DIPK1A: variants seen among roughly 807,000 people sequenced by gnomAD.
DIPK1A encodes the protein divergent protein kinase domain 1A, also known as family with sequence similarity 69 member A.
A neutral mutation model predicts 40.8 loss-of-function variants in DIPK1A; 27 were observed. The observed-to-expected ratio is 0.66, with a 90% CI of 0.49 to 0.91. DIPK1A has a LOEUF of 0.91. Among genes scored for constraint, DIPK1A ranks in the 40% least tolerant of loss-of-function variants. DIPK1A has a pLI of 0.00. For missense variants in DIPK1A, 412 were observed against 505.7 expected, an observed-to-expected ratio of 0.81 and a Z score of 1.78; for synonymous variants, 166 against 171.3, an observed-to-expected ratio of 0.97 and a Z score of 0.24.
chr1:92,908,781 G>A (rs569590680), intron 1 of DIPK1A, among the ~76,000 whole-genome samples: 39 of 152,278 alleles, frequency 2.6e-4, no homozygotes, highest in African/African-American at 9.1e-4. Context: ...GGAAGGGAGA[G>A]ATCCAAAGAG....
chr1:92,946,178 AATAACT>A (rs1557496322), intron 1 of DIPK1A, among the ~76,000 whole-genome samples: 1 of 152,306 alleles, frequency 6.6e-6, no homozygotes, highest in East Asian at 1.9e-4. Flanking sequence ...ATAAAAGGAA[AATAACT>A]ATAAGCTGCA....
intron 1 of DIPK1A, among the ~76,000 whole-genome samples, chr1:92,948,657 A>T (rs1651472300): frequency 6.8e-6 from 1 of 146,622 alleles, no homozygotes; most frequent in East Asian, 1.9e-4. Context: ...ATATACGTAT[A>T]TATACATATG....
chr1:92,835,246 C>T (rs890561531), intron 4 of DIPK1A: 3 of 393,630 alleles, frequency 7.6e-6, no homozygotes, highest in Non-Finnish European at 1.4e-5. Flanking sequence ...CTTAGGTATA[C>T]ATTCTGAATG....
At chr1:92,835,634 T>C (rs985074764) in intron 4 of DIPK1A, among the ~76,000 whole-genome samples, 3 of 126,892 alleles carry the variant, frequency 2.4e-5, no homozygotes, top group Non-Finnish European at 4.7e-5. Context: ...CACTCCAGCC[T>C]GGGCAACAAG....
chr1:92,942,819 A>G (rs536102211), intron 1 of DIPK1A, among the ~76,000 whole-genome samples: 26 of 152,152 alleles, frequency 1.7e-4, no homozygotes, highest in African/African-American at 6.0e-4. Flanking sequence ...GCCCGCCACC[A>G]CGCCCAGCTA....
At chr1:92,878,474 G>T (rs1179198220) in intron 1 of DIPK1A, among the ~76,000 whole-genome samples, 1 of 152,064 alleles carries the variant, frequency 6.6e-6, no homozygotes, top group East Asian at 1.9e-4. Context: ...AACTTGAGGT[G>T]AGGAGTTCAA....
intron 1 of DIPK1A, among the ~76,000 whole-genome samples, chr1:92,880,352 C>G (rs942995080): frequency 6.6e-6 from 1 of 152,118 alleles, no homozygotes; most frequent in Non-Finnish European, 1.5e-5. Context: ...AAGCAGTTAT[C>G]ACTAGAGTAA....
intron 1 of DIPK1A, among the ~76,000 whole-genome samples, chr1:92,942,853 C>T (rs946217125): frequency 2.0e-5 from 3 of 151,990 alleles, no homozygotes; most frequent in Admixed American, 6.6e-5. Flanking sequence ...TTAGTAGAGA[C>T]GGGGTTTCAC....
intron 1 of DIPK1A, among the ~76,000 whole-genome samples, chr1:92,910,445 G>A (rs1199816159): frequency 2.6e-5 from 4 of 152,070 alleles, no homozygotes; most frequent in Admixed American, 2.6e-4. Context: ...AATTTAGGGG[G>A]AAAGTGTATA....
intron 1 of DIPK1A, among the ~76,000 whole-genome samples, chr1:92,895,407 A>G (rs1252542346): frequency 6.6e-6 from 1 of 152,142 alleles, no homozygotes; most frequent in African/African-American, 2.4e-5. Flanking sequence ...CAAAAACCAC[A>G]TGATTATCTC....
intron 1 of DIPK1A, among the ~76,000 whole-genome samples, chr1:92,928,438 C>T (rs1349230715): frequency 1.3e-5 from 2 of 152,122 alleles, no homozygotes; most frequent in African/African-American, 4.8e-5. Context: ...AATCTATAGT[C>T]TTTCAAATTT....
chr1:92,833,282 C>T, intron 4 of DIPK1A: 1 of 902,480 alleles, frequency 1.1e-6, no homozygotes, highest in South Asian at 1.4e-5. Flanking sequence ...TGACAGTTGT[C>T]TGTTTACTCT....
intron 1 of DIPK1A, among the ~76,000 whole-genome samples, chr1:92,883,250 A>T (rs908338575): frequency 6.6e-6 from 1 of 152,246 alleles, no homozygotes; most frequent in Non-Finnish European, 1.5e-5. Flanking sequence ...CTTACAGAGC[A>T]TATAGGAGGA....
At position 92,847,268 on chromosome 1, in the gene DIPK1A, G is replaced by A; in HGVS notation, c.389C>T (p.Pro130Leu). ...LHLDFGTELEPRKEIVLFDKP... is the reference protein window; with the variant it reads ...LHLDFGTELELRKEIVLFDKP... ...ATCAAATAGCACTATTTCTTTTCTTGGTTCCAATTCAGTTCCAAAATCAAG... is the reference window on the plus strand; with the variant it reads ...ATCAAATAGCACTATTTCTTTTCTTAGTTCCAATTCAGTTCCAAAATCAAG... The change falls in exon 4 of 5, where the codon CCA (proline) becomes CTA (leucine). Residue 130 changes from proline to leucine, a missense_variant. Pro to Leu is a moderately conservative substitution (Grantham distance 98, BLOSUM62 -3). Transcript: ENST00000370310. The A allele has an allele frequency of 6.2e-7, 1 of 1,611,368 alleles. No homozygotes were observed. Among genetic ancestry groups the A allele is most frequent in the Non-Finnish European group, 8.5e-7 (1 of 1,178,418 alleles).
At chr1:92,958,470 T>C (rs1571158360) in intron 1 of DIPK1A, among the ~76,000 whole-genome samples, 1 of 152,174 alleles carries the variant, frequency 6.6e-6, no homozygotes, top group East Asian at 1.9e-4. Flanking sequence ...CTGCAACCTT[T>C]CTCTCCTCTT....
downstream of DIPK1A, chr1:92,837,445 CTT>C (rs2100688222): frequency 6.2e-7 from 1 of 1,609,922 alleles, no homozygotes; most frequent in Non-Finnish European, 8.5e-7. Context: ...ATATGAATAA[CTT>C]TATTTTAGTA....
At chr1:92,903,706 G>A (rs532874023) in intron 1 of DIPK1A, among the ~76,000 whole-genome samples, 2 of 152,286 alleles carry the variant, frequency 1.3e-5, no homozygotes, top group African/African-American at 2.4e-5. Flanking sequence ...TTCAGGTATC[G>A]TAAGAGCTAC....
At chr1:92,894,387 C>T (rs1412690258) in intron 1 of DIPK1A, among the ~76,000 whole-genome samples, 1 of 152,118 alleles carries the variant, frequency 6.6e-6, no homozygotes, top group Non-Finnish European at 1.5e-5. Context: ...ACTGAACAAT[C>T]TGTTCCTGAA....
At chr1:92,874,915 G>C (rs1362161556) in intron 2 of DIPK1A, among the ~76,000 whole-genome samples, 1 of 151,896 alleles carries the variant, frequency 6.6e-6, no homozygotes, top group Non-Finnish European at 1.5e-5. Flanking sequence ...CCAGTACATT[G>C]GCCCCAGAGA....
Sources: allele counts gnomAD v4.1 joint callset (sites outside exome capture counted in the v4.1 genomes callset), GRCh38; gene constraint gnomAD v4.1.1; transcripts MANE v1.5; gene names NCBI Gene and HGNC (gene_info 2026-07-23, HGNC 2026-07-21).